RALGAPA2: variants seen among roughly 807,000 people sequenced by gnomAD.
The protein encoded by RALGAPA2 is Ral GTPase activating protein catalytic subunit alpha 2.
A neutral mutation model predicts 230.4 loss-of-function variants in RALGAPA2; 139 were observed. The observed-to-expected ratio is 0.60, with a 90% CI of 0.53 to 0.69. RALGAPA2 has a LOEUF of 0.69. Among genes scored for constraint, RALGAPA2 ranks in the 30% least tolerant of loss-of-function variants. The pLI is 0.00. For missense variants in RALGAPA2, 2,163 were observed against 2,276.0 expected (o/e 0.95, Z 1.01); for synonymous variants, 847 against 837.8 (o/e 1.01, Z -0.19).
intron 38 of RALGAPA2, among the ~76,000 whole-genome samples, chr20:20,407,241 T>C (rs1335803810): frequency 1.3e-5 from 2 of 152,186 alleles, no homozygotes; most frequent in East Asian, 1.9e-4. Context: ...GCTGAACACA[T>C]ACAATTCAAA....
Position 20,678,184 on chromosome 20 carries a change from T to A in RALGAPA2, c.218-1896A>T, listed in dbSNP as rs529858259. The stretch of plus-strand genomic sequence containing the variant: ...GCCTGAATAACTGCAAAGGCTCAAG[T>A]TATCACAAGATTATTTATTTCATTA... On this transcript the variant is annotated intron_variant, in intron 2 of 39. Coordinates refer to ENST00000202677, the MANE Select transcript of RALGAPA2 (RefSeq NM_020343.4). 2.0e-5 allele frequency among the ~76,000 whole-genome samples: 3 copies of A among 152,320 alleles called. No homozygotes were observed. In the South Asian group the frequency reaches 6.2e-4, roughly 32 times the overall value.
In RALGAPA2 at chr20:20,635,478, C is replaced by CT. The variant is rs751529700; in HGVS notation, c.944dup (p.Tyr316ValfsTer9). On this transcript the variant is annotated frameshift_variant, in exon 9 of 40. Coordinates refer to ENST00000202677, the MANE Select transcript of RALGAPA2 (RefSeq NM_020343.4). LOFTEE classifies it high-confidence loss of function. ...TAGTGTTTTGTGTTGCAGTTAGATA[C>CT]TTTTTTTCCAAAAAGAAGGTTACAA... is the stretch of plus-strand genomic sequence containing the variant. 4 of 1,599,938 alleles carry CT rather than the reference C, an allele frequency of 2.5e-6. No homozygotes were observed. Among genetic ancestry groups the CT allele is most frequent in the Admixed American group, 1.8e-5 (1 of 56,798 alleles).
chr20:20,623,499 C>CAAA (rs75858487), intron 10 of RALGAPA2, among the ~76,000 whole-genome samples: 133 of 82,838 alleles, frequency 1.6e-3, no homozygotes, highest in African/African-American at 5.1e-3. Flanking sequence ...GATAGGCTTT[C>CAAA]AAAAAAAAAA....
At chr20:20,521,197 T>A in intron 30 of RALGAPA2, 97 bp from the exon 31 acceptor site, 4 of 997,542 alleles carry the variant, frequency 4.0e-6, no homozygotes, top group Non-Finnish European at 5.8e-6. Context: ...CTAGGACTCC[T>A]GCTTGGTCCT....
chr20:20,435,091 G>C (rs895999027), intron 37 of RALGAPA2, among the ~76,000 whole-genome samples: 1 of 152,236 alleles, frequency 6.6e-6, no homozygotes, highest in Non-Finnish European at 1.5e-5. Context: ...TACGATTCTT[G>C]AATGCCATGT....
At chr20:20,499,782 A>G (rs1371798037) in intron 35 of RALGAPA2, among the ~76,000 whole-genome samples, 4 of 152,324 alleles carry the variant, frequency 2.6e-5, no homozygotes, top group East Asian at 1.9e-4. Context: ...CTTGATCACT[A>G]CGGAAGTTGT....
intron 30 of RALGAPA2, among the ~76,000 whole-genome samples, chr20:20,523,804 T>C (rs1026053359): frequency 2.0e-5 from 3 of 152,232 alleles, no homozygotes; most frequent in African/African-American, 7.2e-5. Context: ...GTTCTTTAAG[T>C]AGACATAGAA....
At chr20:20,574,495 G>A (rs1206423525) in intron 20 of RALGAPA2, among the ~76,000 whole-genome samples, 3 of 152,162 alleles carry the variant, frequency 2.0e-5, no homozygotes, top group Non-Finnish European at 1.5e-5. Flanking sequence ...GCTTTAGTAT[G>A]AGTAAAGGCT....
At chr20:20,405,547 CCAGAG>C (rs2059927554) in intron 38 of RALGAPA2, among the ~76,000 whole-genome samples, 13 of 152,188 alleles carry the variant, frequency 8.5e-5, no homozygotes, top group Admixed American at 2.0e-4. Flanking sequence ...CTCATCTCTT[CCAGAG>C]CTGACACTGA....
intron 37 of RALGAPA2, among the ~76,000 whole-genome samples, chr20:20,439,470 C>A (rs2060688170): frequency 6.6e-6 from 1 of 152,164 alleles, no homozygotes; most frequent in Admixed American, 6.5e-5. Flanking sequence ...GCCTCAGCCT[C>A]CCCAAGTGAT....
At chr20:20,668,157 T>C (rs1036749403) in intron 3 of RALGAPA2, among the ~76,000 whole-genome samples, 3 of 152,108 alleles carry the variant, frequency 2.0e-5, no homozygotes, top group African/African-American at 4.8e-5. Context: ...CCCTGTCCAA[T>C]ACAGTAGCCA....
rs1490074148 is a variant in RALGAPA2 at position 20,390,655 on chromosome 20, A to T, written c.*2634T>A. Reference sequence around the variant, plus strand: ...ATCCTCCGCAATTTTGCTGAAAGGGATTTATTACAAAAACACAATATTTGC... The same window carrying T: ...ATCCTCCGCAATTTTGCTGAAAGGGTTTTATTACAAAAACACAATATTTGC... On this transcript the variant is annotated 3_prime_UTR_variant, in exon 40 of 40. Coordinates refer to ENST00000202677, the MANE Select transcript of RALGAPA2 (RefSeq NM_020343.4). 6.6e-6 allele frequency: 1 copy of T among 152,140 alleles called. No individual in the cohort carries two copies. Among genetic ancestry groups the T allele is most frequent in the Non-Finnish European group, 1.5e-5 (1 of 68,028 alleles). The allele number at this position is 152,140 out of a possible 1,614,324, so 9.4% of individuals were successfully genotyped here. A position where few individuals can be genotyped will look rare whatever the true frequency, so the allele number is the denominator to read the frequency against.
intron 2 of RALGAPA2, among the ~76,000 whole-genome samples, chr20:20,677,858 G>A (rs1913665281): frequency 6.6e-6 from 1 of 151,678 alleles, no homozygotes; most frequent in South Asian, 2.1e-4. Flanking sequence ...ATGTTAACCA[G>A]GATGGTCTTG....
chr20:20,710,741 G>C (rs1003963447), intron 1 of RALGAPA2, among the ~76,000 whole-genome samples: 2 of 152,214 alleles, frequency 1.3e-5, no homozygotes, highest in Non-Finnish European at 2.9e-5. Context: ...TGTGTGCTAA[G>C]AAATAACCTG....
In RALGAPA2 at chr20:20,511,423, T is replaced by G; in HGVS notation, c.4857-98A>C. On this transcript the variant is annotated intron_variant, in intron 32 of 39. Transcript: ENST00000202677. ...TAATAAAAATACCTATCATCCATCC[T>G]CTACCACCTCACTCACAAAAGATTT... 2.1e-6 allele frequency: 3 copies of G among 1,445,188 alleles called. No homozygotes were observed. The East Asian group carries it at 7.5e-5, about 36-fold the overall frequency. The allele number at this position is 1,445,188 out of a possible 1,614,324, so 89.5% of individuals were successfully genotyped here. A position where few individuals can be genotyped will look rare whatever the true frequency, so the allele number is the denominator to read the frequency against.
intron 3 of RALGAPA2, among the ~76,000 whole-genome samples, chr20:20,674,833 C>A (rs550889165): frequency 3.9e-5 from 6 of 152,028 alleles, no homozygotes; most frequent in Non-Finnish European, 8.8e-5. Flanking sequence ...TGTGGCAAAG[C>A]CATTTTTTAA....
chr20:20,663,000 T>C (rs768569119), intron 3 of RALGAPA2, among the ~76,000 whole-genome samples: 16 of 152,150 alleles, frequency 1.1e-4, no homozygotes, highest in Non-Finnish European at 2.2e-4. Flanking sequence ...TGATAAGTGA[T>C]AGAGAAGGAG....
Position 20,584,969 on chromosome 20 carries a change from G to C in RALGAPA2, c.2440-14C>G, listed in dbSNP as rs1393190461. 1.3e-6 allele frequency: 2 copies of C among 1,587,120 alleles called. No homozygotes were observed. The highest frequency in any genetic ancestry group is 1.3e-5 in the African/African-American group (1 of 74,336). On this transcript the variant is annotated splice_polypyrimidine_tract_variant and intron_variant, in intron 18 of 39. Coordinates refer to ENST00000202677, the MANE Select transcript of RALGAPA2 (RefSeq NM_020343.4). ...TCGAACTAAGATCTTCAGACAAAAA[G>C]AAATATTGCATTTACTACAGGAAAG...
intron 3 of RALGAPA2, among the ~76,000 whole-genome samples, chr20:20,656,369 T>C (rs189054828): frequency 6.2e-4 from 95 of 152,280 alleles, no homozygotes; most frequent in Non-Finnish European, 1.1e-3. Context: ...TGTGGGGAAA[T>C]TGATGTCACA....
Sources: allele counts gnomAD v4.1 joint callset (sites outside exome capture counted in the v4.1 genomes callset), GRCh38; gene constraint gnomAD v4.1.1; transcripts MANE v1.5; gene names NCBI Gene and HGNC (gene_info 2026-07-23, HGNC 2026-07-21).